The following STX8 variants were observed in gnomAD, a reference collection of about 807,000 sequenced individuals.
STX8 encodes the protein syntaxin-8.
Under a neutral mutation model 37.5 loss-of-function variants are expected in STX8, and 23 were observed. The observed-to-expected ratio is 0.61, with a 90% CI of 0.44 to 0.87. The LOEUF is 0.87. STX8 is among the 40% of genes least tolerant of loss of function. The probability of loss-of-function intolerance (pLI) is 0.00; values close to 1 mark genes in which losing one functional copy is unlikely to be tolerated. For synonymous variants in STX8, 115 were observed against 99.1 expected, an observed-to-expected ratio of 1.16 and a Z score of -0.95; for missense variants, 313 against 284.7, an observed-to-expected ratio of 1.10 and a Z score of -0.71.
intron 7 of STX8, among the ~76,000 whole-genome samples, chr17:9,348,783 G>A (rs1245042519): frequency 6.6e-6 from 1 of 152,164 alleles, no homozygotes; most frequent in African/African-American, 2.4e-5. Context: ...TTCCAGCTGA[G>A]GGAGCTTATG....
intron 6 of STX8, among the ~76,000 whole-genome samples, chr17:9,448,931 AAAT>A (rs1264706402): frequency 6.6e-6 from 1 of 152,194 alleles, no homozygotes; most frequent in Non-Finnish European, 1.5e-5. Context: ...ATTATTAAAA[AAAT>A]ATATATTACT....
intron 4 of STX8, among the ~76,000 whole-genome samples, chr17:9,526,455 T>C (rs1905574525): frequency 1.3e-5 from 2 of 152,178 alleles, no homozygotes; most frequent in African/African-American, 4.8e-5. Flanking sequence ...TAGGGGTGAC[T>C]GTAATATATC....
chr17:9,450,654 A>G (rs549790480), intron 6 of STX8, among the ~76,000 whole-genome samples: 17 of 152,234 alleles, frequency 1.1e-4, no homozygotes, highest in African/African-American at 4.1e-4. Flanking sequence ...TAAATTGATG[A>G]TTTGTTTTAT....
intron 4 of STX8, among the ~76,000 whole-genome samples, chr17:9,506,567 C>T (rs955698020): frequency 6.6e-6 from 1 of 152,140 alleles, no homozygotes; most frequent in Non-Finnish European, 1.5e-5. Context: ...GGCCCCCAGC[C>T]TCTGTGGCCC....
chr17:9,351,408 C>T (rs1040694982), intron 7 of STX8, among the ~76,000 whole-genome samples: 2 of 151,780 alleles, frequency 1.3e-5, no homozygotes, highest in East Asian at 1.9e-4. Flanking sequence ...CTGCCCGCCT[C>T]GGCCTCCCAA....
chr17:9,449,835 G>T (rs759849378), intron 6 of STX8, among the ~76,000 whole-genome samples: 2 of 151,816 alleles, frequency 1.3e-5, no homozygotes, highest in African/African-American at 4.9e-5. Context: ...GGGGTTGAAT[G>T]AGCCAAGCAC....
chr17:9,481,009 C>T lies in STX8; in HGVS notation c.541+10820G>A, dbSNP rs924032384. Among the ~76,000 whole-genome samples, 7 of 152,008 alleles carry T rather than the reference C, an allele frequency of 4.6e-5. No individual in the cohort carries two copies. In the East Asian group the frequency reaches 7.7e-4, roughly 17 times the overall value. ...ATGCCATTCTCCTGCCTCAGCCTCC[C>T]GAGTAGCTGGAACTACAGGCACCCG... On this transcript the variant is annotated intron_variant, in intron 6 of 7. Transcript: ENST00000306357.
intron 6 of STX8, among the ~76,000 whole-genome samples, chr17:9,483,382 T>C (rs973140926): frequency 1.3e-5 from 2 of 152,166 alleles, no homozygotes; most frequent in Non-Finnish European, 2.9e-5. Context: ...ACGTTTGGGA[T>C]CGCACTTAGG....
chr17:9,539,402 C>A (rs9891058), intron 4 of STX8, among the ~76,000 whole-genome samples: 2 of 152,170 alleles, frequency 1.3e-5, no homozygotes, highest in East Asian at 1.9e-4. Context: ...AGGTTCCAAG[C>A]GAGTCCTGGT....
chr17:9,319,034 T>C (rs1419210671), intron 7 of STX8, among the ~76,000 whole-genome samples: 2 of 152,046 alleles, frequency 1.3e-5, no homozygotes, highest in African/African-American at 4.8e-5. Context: ...ACCAAAGAAA[T>C]AAATGAATAA....
intron 6 of STX8, among the ~76,000 whole-genome samples, chr17:9,490,145 G>C (rs890683988): frequency 6.6e-6 from 1 of 152,204 alleles, no homozygotes; most frequent in Non-Finnish European, 1.5e-5. Flanking sequence ...ATTGTAAAGA[G>C]AGAAGGCTTC....
chr17:9,423,796 A>T (rs1219276615), intron 6 of STX8, among the ~76,000 whole-genome samples: 1 of 152,172 alleles, frequency 6.6e-6, no homozygotes, highest in Non-Finnish European at 1.5e-5. Flanking sequence ...TTTTTCTGCC[A>T]GAAAGCTAGA....
chr17:9,574,180 A>G (rs977302090), intron 1 of STX8, among the ~76,000 whole-genome samples: 17 of 151,518 alleles, frequency 1.1e-4, no homozygotes, highest in Non-Finnish European at 2.9e-5. Context: ...CTGAGGCAGG[A>G]GAGTTGCTTA....
At chr17:9,531,036 C>G (rs1905796847) in intron 4 of STX8, among the ~76,000 whole-genome samples, 1 of 152,198 alleles carries the variant, frequency 6.6e-6, no homozygotes, top group Non-Finnish European at 1.5e-5. Context: ...ATGTGGATAT[C>G]CAGTTGACAT....
At chr17:9,547,387 T>G (rs1470996470) in intron 3 of STX8, 3 of 151,988 alleles carry the variant, frequency 2.0e-5, no homozygotes, top group Non-Finnish European at 4.4e-5. Flanking sequence ...CTTACGCCTG[T>G]AATCCCAGCA....
Position 9,505,065 on chromosome 17 carries a change from G to C in STX8, c.421C>G (p.Arg141Gly). ...ETRGLGFDEI[R>G]QQQQKIIQEQ... Reference sequence around the variant, plus strand: ...TGGATAATTTTCTGCTGCTGTTGCCGGATTTCATCAAAACCCAAGCCTCTG... The same window carrying C: ...TGGATAATTTTCTGCTGCTGTTGCCCGATTTCATCAAAACCCAAGCCTCTG... The change falls in exon 5 of 8, where the codon CGG (arginine) becomes GGG (glycine). Residue 141 changes from arginine to glycine, a missense_variant. Arg to Gly is a moderately radical substitution (Grantham distance 125, BLOSUM62 -2). Coordinates refer to ENST00000306357, the MANE Select transcript of STX8 (RefSeq NM_004853.3). The C allele has an allele frequency of 1.2e-6, 2 of 1,612,190 alleles. No homozygotes were observed. The highest frequency in any genetic ancestry group is 1.7e-6 in the Non-Finnish European group (2 of 1,179,230).
At chr17:9,509,108 G>C (rs184788739) in intron 4 of STX8, among the ~76,000 whole-genome samples, 1 of 152,106 alleles carries the variant, frequency 6.6e-6, no homozygotes, top group Non-Finnish European at 1.5e-5. Context: ...AATTAGCTGG[G>C]CATGGTGGCA....
Position 9,460,693 on chromosome 17 carries a change from AC to A in STX8, c.541+31135del, listed in dbSNP as rs201687708. On this transcript the variant is annotated intron_variant, in intron 6 of 7. Coordinates refer to ENST00000306357, the MANE Select transcript of STX8 (RefSeq NM_004853.3). The stretch of plus-strand genomic sequence containing the variant: ...TGTCTCAAAAAAAAAAAAAAACAAA[AC>A]AAAACTACTAAATTCACAACAACAA... Among the ~76,000 whole-genome samples the A allele has an allele frequency of 6.5e-4, 93 of 142,286 alleles. 1 individual carries two copies. The highest frequency in any genetic ancestry group is 3.6e-3 in the Middle Eastern group (1 of 276). 93.3% of individuals were successfully genotyped at this position (142,286 alleles called of 152,430 possible).
chr17:9,468,037 T>C (rs1370620773), intron 6 of STX8, among the ~76,000 whole-genome samples: 1 of 152,194 alleles, frequency 6.6e-6, no homozygotes, highest in Non-Finnish European at 1.5e-5. Flanking sequence ...AGACACAATA[T>C]TACACATTTT....
Sources: gnomAD v4.1 joint callset for allele counts (sites outside exome capture counted in the v4.1 genomes callset) on GRCh38, gnomAD v4.1.1 for gene constraint, MANE v1.5 for transcripts, NCBI Gene and HGNC (gene_info 2026-07-23, HGNC 2026-07-21) for gene names.